The following TMC1 variants were observed in gnomAD, a reference collection of about 807,000 sequenced individuals.
The protein encoded by TMC1 is transmembrane channel like 1, also known as transmembrane channel-like protein 1.
A neutral mutation model predicts 105.8 loss-of-function variants in TMC1; 84 were observed. The ratio of observed to expected loss-of-function variants is 0.79; its 90% CI spans 0.67 to 0.95. The LOEUF is 0.95. Ranked by LOEUF, TMC1 falls within the 40% of genes least tolerant of loss-of-function variation. The pLI is 0.00. For synonymous variants in TMC1, 315 were observed against 311.5 expected, an observed-to-expected ratio of 1.01 and a Z score of -0.12; for missense variants, 817 against 914.1, an observed-to-expected ratio of 0.89 and a Z score of 1.37.
chr9:72,698,302 G>T (rs1231435599), intron 7 of TMC1, among the ~76,000 whole-genome samples: 1 of 152,156 alleles, frequency 6.6e-6, no homozygotes, highest in Middle Eastern at 3.2e-3. Context: ...GGGTTAATAT[G>T]AATTTTTGTT....
chr9:72,836,121 A>C lies in TMC1; in HGVS notation c.*148A>C. On this transcript the variant is annotated 3_prime_UTR_variant, in exon 24 of 24. Transcript: ENST00000297784. ...TTTTCAAGGTCATGCTGGCCAATTA[A>C]GGCATCATCAGTCCTACCTGAGCAA... 1 of 875,690 alleles carries C rather than the reference A, an allele frequency of 1.1e-6. No homozygotes were observed. Among genetic ancestry groups the C allele is most frequent in the African/African-American group, 1.6e-5 (1 of 61,142 alleles). 54.2% of individuals were successfully genotyped at this position (875,690 alleles called of 1,614,324 possible). A position where few individuals can be genotyped will look rare whatever the true frequency, so the allele number is the denominator to read the frequency against.
chr9:72,640,672 G>A (rs1232450310), intron 4 of TMC1, among the ~76,000 whole-genome samples: 1 of 150,038 alleles, frequency 6.7e-6, no homozygotes, highest in Admixed American at 6.7e-5. Context: ...CCGCTCTGTC[G>A]CCCAGGCTGG....
chr9:72,610,610 C>T (rs565880195), intron 2 of TMC1, among the ~76,000 whole-genome samples: 9 of 152,110 alleles, frequency 5.9e-5, no homozygotes, highest in Non-Finnish European at 1.3e-4. Context: ...TGGATGAGGC[C>T]CACCCACAAT....
At chr9:72,602,652 GGC>G (rs1824838075) in intron 2 of TMC1, among the ~76,000 whole-genome samples, 1 of 152,136 alleles carries the variant, frequency 6.6e-6, no homozygotes, top group Admixed American at 6.6e-5. Context: ...TGGGATTATA[GGC>G]GTGAGCCACT....
intron 18 of TMC1, among the ~76,000 whole-genome samples, chr9:72,807,344 A>G (rs557287390): frequency 6.6e-6 from 1 of 152,226 alleles, no homozygotes; most frequent in African/African-American, 2.4e-5. Context: ...ACTATATAAG[A>G]GAAAGGCATC....
At chr9:72,833,213 C>A (rs1293067784) in intron 23 of TMC1, among the ~76,000 whole-genome samples, 2 of 152,180 alleles carry the variant, frequency 1.3e-5, no homozygotes, top group Admixed American at 1.3e-4. Flanking sequence ...ACAGCTAAGC[C>A]AAGTAGTAAA....
At chr9:72,575,334 C>T (rs370056763) in intron 1 of TMC1, among the ~76,000 whole-genome samples, 3 of 152,048 alleles carry the variant, frequency 2.0e-5, no homozygotes, top group Non-Finnish European at 4.4e-5. Flanking sequence ...GCACCCACCA[C>T]CAAGCCCGGC....
intron 12 of TMC1, among the ~76,000 whole-genome samples, chr9:72,762,096 A>T (rs1326773099): frequency 2.0e-5 from 3 of 152,184 alleles, no homozygotes; most frequent in Admixed American, 2.0e-4. Flanking sequence ...ATACCTGTGA[A>T]AGGAGAGAGA....
rs1233028095 is a variant in TMC1 at position 72,789,318 on chromosome 9, G to T, written c.1224+1G>T. 1 of 1,613,596 alleles carries T rather than the reference G, an allele frequency of 6.2e-7. No homozygotes were observed. Among genetic ancestry groups the T allele is most frequent in the Non-Finnish European group, 8.5e-7 (1 of 1,179,594 alleles). On this transcript the variant is annotated splice_donor_variant, in intron 15 of 23. Coordinates refer to ENST00000297784, the MANE Select transcript of TMC1 (RefSeq NM_138691.3). LOFTEE classifies it high-confidence loss of function. Reference sequence around the variant, plus strand: ...CCTTGGGTGGTGGGAAAAAAATGAAGTTCGTCTCTGCATGCTTTTTATGTG... The same window carrying T: ...CCTTGGGTGGTGGGAAAAAAATGAATTTCGTCTCTGCATGCTTTTTATGTG...
chr9:72,569,001 G>A (rs970540779), intron 1 of TMC1, among the ~76,000 whole-genome samples: 3 of 152,162 alleles, frequency 2.0e-5, no homozygotes, highest in Non-Finnish European at 4.4e-5. Context: ...GAAAATGGAA[G>A]GAATTTGAGA....
intron 5 of TMC1, among the ~76,000 whole-genome samples, chr9:72,675,875 T>A (rs1271600452): frequency 2.0e-5 from 3 of 152,156 alleles, no homozygotes; most frequent in Non-Finnish European, 2.9e-5. Context: ...TGAAGCTGGC[T>A]GAGAGAAGTC....
chr9:72,541,242 C>T (rs888860729), intron 1 of TMC1, among the ~76,000 whole-genome samples: 5 of 152,208 alleles, frequency 3.3e-5, no homozygotes, highest in African/African-American at 1.2e-4. Context: ...ATCACTTAAT[C>T]AATTCTTACA....
intron 1 of TMC1, among the ~76,000 whole-genome samples, chr9:72,527,006 C>T (rs987149816): frequency 1.4e-4 from 22 of 152,184 alleles, no homozygotes; most frequent in African/African-American, 5.3e-4. Flanking sequence ...GTCCTGGGTA[C>T]CAGACGCATG....
At chr9:72,801,709 C>T (rs1170268530) in intron 17 of TMC1, among the ~76,000 whole-genome samples, 1 of 152,188 alleles carries the variant, frequency 6.6e-6, no homozygotes, top group East Asian at 1.9e-4. Flanking sequence ...TGGGGTTTAG[C>T]AGGAGGCCTG....
intron 8 of TMC1, among the ~76,000 whole-genome samples, chr9:72,721,348 GC>G (rs1827021879): frequency 6.6e-6 from 1 of 152,148 alleles, no homozygotes; most frequent in Admixed American, 6.5e-5. Context: ...CAGTTCTCTG[GC>G]CTTTGGAAGC....
At chr9:72,737,468 A>G (rs1160346728) in intron 8 of TMC1, among the ~76,000 whole-genome samples, 1 of 152,170 alleles carries the variant, frequency 6.6e-6, no homozygotes, top group Non-Finnish European at 1.5e-5. Context: ...AAAGCCACAC[A>G]GTTACTGAGG....
chr9:72,654,359 G>T (rs528360025), intron 5 of TMC1, among the ~76,000 whole-genome samples: 9 of 152,270 alleles, frequency 5.9e-5, no homozygotes, highest in Admixed American at 5.2e-4. Context: ...CTTCTCTAAT[G>T]ACTAATGATG....
At chr9:72,763,431 G>A (rs1021209517) in intron 12 of TMC1, among the ~76,000 whole-genome samples, 1 of 152,152 alleles carries the variant, frequency 6.6e-6, no homozygotes. Flanking sequence ...TGTGCCAAGT[G>A]CTATGAAGGA....
intron 7 of TMC1, among the ~76,000 whole-genome samples, chr9:72,695,757 T>C (rs934819969): frequency 2.1e-4 from 32 of 152,168 alleles, no homozygotes; most frequent in African/African-American, 7.0e-4. Context: ...ATGGTTTCTT[T>C]TAGAATAAGA....
Sources: gnomAD v4.1 joint callset for allele counts (sites outside exome capture counted in the v4.1 genomes callset) on GRCh38, gnomAD v4.1.1 for gene constraint, MANE v1.5 for transcripts, NCBI Gene and HGNC (gene_info 2026-07-23, HGNC 2026-07-21) for gene names.